PALM: variants seen among roughly 807,000 people sequenced by gnomAD.
PALM encodes paralemmin, also known as paralemmin-1.
A neutral mutation model predicts 30.7 loss-of-function variants in PALM; 18 were observed. The observed-to-expected ratio is 0.59, with a 90% CI of 0.41 to 0.87. The LOEUF is 0.87. PALM is among the 40% of genes least tolerant of loss of function. The probability of loss-of-function intolerance (pLI) is 0.00; values close to 1 mark genes in which losing one functional copy is unlikely to be tolerated. For missense variants in PALM, 529 were observed against 555.4 expected (o/e 0.95, Z 0.48); for synonymous variants, 286 against 242.8 (o/e 1.18, Z -1.66).
chr19:737,697 A>G (rs60427662), intron 7 of PALM, among the ~76,000 whole-genome samples: 6,183 of 152,178 alleles, frequency 0.041, 238 homozygotes, highest in East Asian at 0.17. Flanking sequence ...GGCAGAGGGC[A>G]CGGCCAGTGC....
intron 1 of PALM, among the ~76,000 whole-genome samples, chr19:722,079 G>A (rs542230074): frequency 2.7e-5 from 4 of 150,868 alleles, no homozygotes; most frequent in Non-Finnish European, 5.9e-5. Flanking sequence ...CCACCACGCC[G>A]GGCTAATTTT....
rs769154851 is a variant in PALM, at chr19:746,410, G to C, written c.760G>C (p.Ala254Pro). 1 of 1,611,820 alleles carries C rather than the reference G, an allele frequency of 6.2e-7. No individual in the cohort carries two copies. The highest frequency in any genetic ancestry group is 1.1e-5 in the South Asian group (1 of 90,946). Residue 254 changes from alanine (A) to proline (P), a missense_variant, in exon 9 of 9, where the codon GCA (alanine) becomes CCA (proline). Ala to Pro is a conservative substitution (Grantham distance 27). Coordinates refer to ENST00000338448, the MANE Select transcript of PALM (RefSeq NM_002579.3). The surrounding 1 kb of genome is among the most constrained non-coding windows in gnomAD (Gnocchi z 7.1). ...LSEAGSTAGA[A>P]ETRGAVEGAA... ...CGAGGCAGGGTCCACGGCCGGGGCG[G>C]CAGAGACCCGGGGGGCTGTGGAGGG...
chr19:727,941 C>T lies in PALM; in HGVS notation c.269+247C>T, dbSNP rs1281976236. The T allele has an allele frequency of 4.6e-5, 22 of 478,732 alleles. 1 individual carries two copies. Among genetic ancestry groups the T allele is most frequent in the Admixed American group, 2.7e-4 (7 of 26,392 alleles). The allele number at this position is 478,732 out of a possible 1,614,324, so 29.7% of individuals were successfully genotyped here. On this transcript the variant is annotated intron_variant, in intron 4 of 8. Transcript: ENST00000338448. ...TGCGTGGCCTCAGGCAGGGAGATAC[C>T]CCTTTCCCTTCCCACCGCCCTCGTT...
chr19:733,485 C>T (rs552003007), intron 5 of PALM, among the ~76,000 whole-genome samples: 59 of 152,300 alleles, frequency 3.9e-4, no homozygotes, highest in Non-Finnish European at 7.4e-4. Flanking sequence ...GGAGAGGGGC[C>T]TGTGTGCAGG....
At chr19:725,297 G>A (rs1196290322) in intron 1 of PALM, among the ~76,000 whole-genome samples, 2 of 150,466 alleles carry the variant, frequency 1.3e-5, no homozygotes, top group Non-Finnish European at 3.0e-5. Context: ...GGTGGCTCAC[G>A]CCTGTAATCC....
intron 1 of PALM, among the ~76,000 whole-genome samples, chr19:718,331 G>C (rs1048263789): frequency 6.6e-6 from 1 of 152,212 alleles, no homozygotes; most frequent in African/African-American, 2.4e-5. Flanking sequence ...GGAGGTCTGG[G>C]TGACCGTGCA....
At chr19:731,706 T>C (rs1466989110) in intron 5 of PALM, among the ~76,000 whole-genome samples, 1 of 152,072 alleles carries the variant, frequency 6.6e-6, no homozygotes, top group Non-Finnish European at 1.5e-5. Context: ...ACTCGTTCTG[T>C]TGCCCAGGCT....
chr19:711,342 C>T (rs751984179), intron 1 of PALM: 3 of 238,790 alleles, frequency 1.3e-5, no homozygotes, highest in Non-Finnish European at 2.0e-5. Flanking sequence ...CAGCCATTCT[C>T]CAGCACCCAC....
intron 1 of PALM, among the ~76,000 whole-genome samples, chr19:716,471 C>T (rs920242339): frequency 4.6e-5 from 7 of 150,666 alleles, no homozygotes; most frequent in Non-Finnish European, 8.8e-5. Context: ...GAGTGGGAGG[C>T]GCTGCATGGT....
intron 1 of PALM, among the ~76,000 whole-genome samples, chr19:724,388 C>A (rs1359304918): frequency 6.6e-6 from 1 of 152,034 alleles, no homozygotes; most frequent in East Asian, 1.9e-4. Context: ...GTGGCGCGAT[C>A]TCGGCTCATG....
chr19:731,445 C>T (rs528412498), intron 5 of PALM, among the ~76,000 whole-genome samples, 200 bp downstream of exon 5: 5 of 152,300 alleles, frequency 3.3e-5, no homozygotes, highest in East Asian at 1.9e-4. Flanking sequence ...GCCTCGGTTT[C>T]CCCATCTGTA....
intron 3 of PALM, 117 bp downstream of exon 3, chr19:727,205 T>A: frequency 2.6e-6 from 1 of 382,628 alleles, no homozygotes; most frequent in Non-Finnish European, 4.4e-6. Flanking sequence ...TGACCCTGCC[T>A]CCAGCCCTGA....
intron 4 of PALM, among the ~76,000 whole-genome samples, chr19:728,481 C>G (rs527462864): frequency 6.6e-6 from 1 of 152,138 alleles, no homozygotes; most frequent in East Asian, 1.9e-4. Context: ...TGGGGGTGTT[C>G]GGGATGGACT....
intron 7 of PALM, among the ~76,000 whole-genome samples, chr19:736,898 C>A (rs1046651784): frequency 6.6e-6 from 1 of 152,156 alleles, no homozygotes; most frequent in East Asian, 1.9e-4. Context: ...TACTAAAATA[C>A]AAAAATTAGC....
At chr19:716,998 C>T (rs1432952811) in intron 1 of PALM, among the ~76,000 whole-genome samples, 6 of 151,964 alleles carry the variant, frequency 3.9e-5, no homozygotes, top group South Asian at 2.1e-4. Context: ...GACGTAATCC[C>T]GGCTCACTGC....
chr19:712,150 G>A (rs2032099935), intron 1 of PALM, among the ~76,000 whole-genome samples: 2 of 152,016 alleles, frequency 1.3e-5, no homozygotes, highest in African/African-American at 4.8e-5. Flanking sequence ...AGCCTCCTGA[G>A]TAGCTATGAC....
chr19:717,871 C>T (rs568067644), intron 1 of PALM, among the ~76,000 whole-genome samples: 55 of 152,178 alleles, frequency 3.6e-4, no homozygotes, highest in African/African-American at 1.3e-3. Context: ...AGGGACATGG[C>T]AGGGACAAAA....
chr19:719,775 C>T lies in PALM; in HGVS notation c.6-6363C>T, dbSNP rs1326834377. The stretch of plus-strand genomic sequence containing the variant: ...TCCCCCGCGCCTGGCGGGCCCCGCC[C>T]GCAGGAGGATGAACGCCGGGAGAAG... On this transcript the variant is annotated intron_variant, in intron 1 of 8. Transcript: ENST00000338448. 7 of 364,956 alleles carry T rather than the reference C, an allele frequency of 1.9e-5. No homozygotes were observed. In the East Asian group the frequency reaches 5.0e-4, roughly 26 times the overall value. 22.6% of individuals were successfully genotyped at this position (364,956 alleles called of 1,614,324 possible).
At chr19:718,870 C>T (rs2032358732) in intron 1 of PALM, among the ~76,000 whole-genome samples, 1 of 151,990 alleles carries the variant, frequency 6.6e-6, no homozygotes, top group African/African-American at 2.4e-5. Context: ...TGGAGCAGGG[C>T]AGGGCGGTGG....
Sources: allele counts gnomAD v4.1 joint callset (sites outside exome capture counted in the v4.1 genomes callset), GRCh38; gene constraint gnomAD v4.1.1; non-coding constraint Gnocchi (gnomAD v3.1); transcripts MANE v1.5; gene names NCBI Gene and HGNC (gene_info 2026-07-23, HGNC 2026-07-21).